The following SMC2 variants were observed in gnomAD, a reference collection of about 807,000 sequenced individuals.
The protein encoded by SMC2 is structural maintenance of chromosomes protein 2.
In SMC2, 41 loss-of-function variants were observed where a neutral mutation model predicts 142.6. That is an observed-to-expected ratio of 0.29 (90% CI 0.22 to 0.37). The LOEUF is 0.37. Ranked by LOEUF, SMC2 falls within the 10% of genes least tolerant of loss-of-function variation. The pLI is 1.00. For synonymous variants in SMC2, 463 were observed against 457.5 expected (o/e 1.01, Z -0.15); for missense variants, 1,265 against 1,373.7 (o/e 0.92, Z 1.25).
At position 104,123,165 on chromosome 9, in the gene SMC2, A is replaced by C. The variant is rs1833913631; in HGVS notation, c.2190A>C (p.Gln730His). ...AAACTGAAGAGGCAGATTTATTACA[A>C]ACCAAGCTCCAGCAAAGCTCATATC... ...EMKTEEADLLQTKLQQSSYHK... is the reference protein window; with the variant it reads ...EMKTEEADLLHTKLQQSSYHK... Residue 730 changes from glutamine to histidine, a missense_variant, in exon 17 of 25, where the codon CAA becomes CAC. Physicochemically the swap from Gln to His is conservative, Grantham distance 24 (BLOSUM62 0). Around this residue, in one of 4 missense-constraint regions of SMC2, gnomAD observed 898 missense variants for 904.2 expected, o/e 0.99. Coordinates refer to ENST00000374793, the MANE Select transcript of SMC2 (RefSeq NM_006444.3). The C allele has an allele frequency of 6.2e-7, 1 of 1,612,148 alleles. No homozygotes were observed. The highest frequency in any genetic ancestry group is 1.1e-5 in the South Asian group (1 of 90,862).
At chr9:104,104,916 T>A (rs1428401632) in intron 9 of SMC2, among the ~76,000 whole-genome samples, 2 of 152,260 alleles carry the variant, frequency 1.3e-5, no homozygotes, top group African/African-American at 4.8e-5. Context: ...GAGCACTGAC[T>A]CAGCCCAGGA....
Position 104,116,209 on chromosome 9 carries a change from A to G in SMC2, c.1681A>G (p.Lys561Glu). 1.4e-5 allele frequency: 22 copies of G among 1,593,520 alleles called. No individual in the cohort carries two copies. Among genetic ancestry groups the G allele is most frequent in the Non-Finnish European group, 1.9e-5 (22 of 1,174,134 alleles). The change falls in exon 14 of 25, where the codon AAA (lysine) becomes GAA (glutamate). Residue 561 changes from lysine to glutamate, a missense_variant. Around this residue, in one of 4 missense-constraint regions of SMC2, gnomAD observed 898 missense variants for 904.2 expected, o/e 0.99. Coordinates refer to ENST00000374793, the MANE Select transcript of SMC2 (RefSeq NM_006444.3). ...NVVVDTEVTG[K>E]KLLERGELKR... ...CAAATGTGTGTTGTAGGTTACTGGT[A>G]AAAAGCTACTAGAAAGGGGGGAACT...
chr9:104,102,618 T>G, intron 9 of SMC2, 45 bp downstream of exon 9: 1 of 1,564,626 alleles, frequency 6.4e-7, no homozygotes, highest in Non-Finnish European at 8.7e-7. Flanking sequence ...TAGACAAGTA[T>G]ATAGTCTCAT....
chr9:104,118,934 C>T (rs1833424246), intron 15 of SMC2, among the ~76,000 whole-genome samples: 1 of 152,098 alleles, frequency 6.6e-6, no homozygotes, highest in South Asian at 2.1e-4. Context: ...ATGAGGTAGG[C>T]ATATTATTAT....
chr9:104,137,994 GCTTTTCTTCTGAC>G lies in SMC2; in HGVS notation c.3270-15_3270-3del. On this transcript the variant is annotated splice_polypyrimidine_tract_variant and intron_variant, in intron 23 of 24. Coordinates refer to ENST00000374793, the MANE Select transcript of SMC2 (RefSeq NM_006444.3). ...TAAGTGATAAAATCAAATTTTTATGGCTTTTCTTCTGACCTTTTCTTAGGTCTTTAGTGGCCTT... is the reference window on the plus strand; with the variant it reads ...TAAGTGATAAAATCAAATTTTTATGGCTTTTCTTAGGTCTTTAGTGGCCTT... 1 of 1,508,308 alleles carries G rather than the reference GCTTTTCTTCTGAC, an allele frequency of 6.6e-7. No homozygotes were observed. Among genetic ancestry groups the G allele is most frequent in the Non-Finnish European group, 8.9e-7 (1 of 1,119,034 alleles). 93.4% of individuals were successfully genotyped at this position (1,508,308 alleles called of 1,614,324 possible).
At chr9:104,091,135 A>G (rs1222987854), upstream of SMC2, among the ~76,000 whole-genome samples, 1 of 152,222 alleles carries the variant, frequency 6.6e-6, no homozygotes, top group Admixed American at 6.5e-5. Context: ...ATGGCGTTAG[A>G]AATAAAATAC....
chr9:104,126,504 T>G, intron 18 of SMC2, 137 bp from the exon 19 acceptor site: 1 of 554,312 alleles, frequency 1.8e-6, no homozygotes, highest in Non-Finnish European at 2.9e-6. Context: ...GCTTAACCTG[T>G]ACTTTCGGTA....
At chr9:104,122,574 A>T (rs1833855175) in intron 16 of SMC2, among the ~76,000 whole-genome samples, 1 of 152,038 alleles carries the variant, frequency 6.6e-6, no homozygotes, top group Non-Finnish European at 1.5e-5. Context: ...AATACCTTTC[A>T]AAAGAAATGA....
At position 104,102,434 on chromosome 9, in the gene SMC2, G is replaced by A. The variant is rs1290950637; in HGVS notation, c.881G>A (p.Gly294Asp). 2 of 1,606,146 alleles carry A rather than the reference G, an allele frequency of 1.2e-6. No individual in the cohort carries two copies. Among genetic ancestry groups the A allele is most frequent in the East Asian group, 2.2e-5 (1 of 44,748 alleles). ...TGCATTTTGTTATAGGAAACTGGAGGTATACTTCGATCTTTAGAAGATGCT... is the reference window on the plus strand; with the variant it reads ...TGCATTTTGTTATAGGAAACTGGAGATATACTTCGATCTTTAGAAGATGCT... ...LEKRKDKETG[G>D]ILRSLEDALA... The change falls in exon 9 of 25, where the codon GGT becomes GAT. Residue 294 changes from glycine (G) to aspartate (D), a missense_variant. This residue lies in a region of SMC2 where 898 missense variants were observed against 904.2 expected (regional missense o/e 0.99). Transcript: ENST00000374793.
At chr9:104,098,844 A>G (rs889612882) in intron 4 of SMC2, among the ~76,000 whole-genome samples, 4 of 151,744 alleles carry the variant, frequency 2.6e-5, no homozygotes, top group Admixed American at 6.6e-5. Flanking sequence ...CTGTAAAAAA[A>G]AAAAAGCCAT....
At position 104,118,057 on chromosome 9, in the gene SMC2, G is replaced by C. The variant is rs555796357; in HGVS notation, c.1792-114G>C. 1.6e-4 allele frequency: 115 copies of C among 730,746 alleles called. No homozygotes were observed. The African/African-American group carries it at 1.9e-3, about 12-fold the overall frequency. 45.3% of individuals were successfully genotyped at this position (730,746 alleles called of 1,614,324 possible). ...TAGAAAATTCAGAAAGAGTTTTAATGCTAGGTAAGTATTATTTAAGTTTCT... is the reference window on the plus strand; with the variant it reads ...TAGAAAATTCAGAAAGAGTTTTAATCCTAGGTAAGTATTATTTAAGTTTCT... On this transcript the variant is annotated intron_variant, in intron 14 of 24. Transcript: ENST00000374793.
chr9:104,119,030 C>T (rs1833436493), intron 15 of SMC2, among the ~76,000 whole-genome samples: 1 of 152,078 alleles, frequency 6.6e-6, no homozygotes, highest in Non-Finnish European at 1.5e-5. Context: ...ATCTGAATCC[C>T]AGCAGTCTGA....
At chr9:104,138,810 G>A (rs1008064071) in intron 24 of SMC2, among the ~76,000 whole-genome samples, 9 of 152,076 alleles carry the variant, frequency 5.9e-5, no homozygotes, top group South Asian at 2.1e-4. Flanking sequence ...GTGTGCTATA[G>A]GAACTTGAAA....
In SMC2 at chr9:104,098,599, C is replaced by T. The variant is rs115415227; in HGVS notation, c.441+31C>T. Reference sequence around the variant, plus strand: ...TCGTTTGAGGTCTTTATATCACTTTCGTAATAGTTTCGACATTTTTTACTT... The same window carrying T: ...TCGTTTGAGGTCTTTATATCACTTTTGTAATAGTTTCGACATTTTTTACTT... On this transcript the variant is annotated intron_variant, in intron 4 of 24. Coordinates refer to ENST00000374793, the MANE Select transcript of SMC2 (RefSeq NM_006444.3). 1,012 of 1,563,178 alleles carry T rather than the reference C, an allele frequency of 6.5e-4. 4 individuals carry two copies. In the African/African-American group the frequency reaches 0.013, roughly 20 times the overall value.
intron 1 of SMC2, 126 bp from the exon 2 acceptor site, chr9:104,095,198 C>T (rs1830318241): frequency 1.8e-6 from 1 of 541,498 alleles, no homozygotes; most frequent in Non-Finnish European, 3.3e-6. Context: ...GTCTTTACAT[C>T]AGACAAGATA....
chr9:104,094,715 A>C (rs957274962), intron 1 of SMC2: 3 of 331,086 alleles, frequency 9.1e-6, no homozygotes, highest in African/African-American at 6.4e-5. Context: ...AAGAAGTTGG[A>C]GAATATGAGA....
At chr9:104,095,190 C>G in intron 1 of SMC2, 134 bp from the exon 2 acceptor site, 1 of 531,682 alleles carries the variant, frequency 1.9e-6, no homozygotes, top group Non-Finnish European at 3.3e-6. Flanking sequence ...TGAACGATGT[C>G]TTTACATCAG....
intron 2 of SMC2, 58 bp from the exon 3 acceptor site, chr9:104,096,090 T>G (rs920905801): frequency 3.9e-6 from 6 of 1,526,234 alleles, no homozygotes; most frequent in Admixed American, 3.6e-5. Flanking sequence ...CCATTTTTAG[T>G]GCTGCTTTGT....
rs748227633 is a variant in SMC2, at chr9:104,120,194, G to C, written c.2132+32G>C. 3 of 1,529,152 alleles carry C rather than the reference G, an allele frequency of 2.0e-6. No homozygotes were observed. The South Asian group carries it at 3.7e-5, about 19-fold the overall frequency. The allele number at this position is 1,529,152 out of a possible 1,614,324, so 94.7% of individuals were successfully genotyped here. A position where few individuals can be genotyped will look rare whatever the true frequency, so the allele number is the denominator to read the frequency against. ...ACTGCATATACTTTTTTTAATTAAA[G>C]ATTTGCATAGTAGAAAATGATAGAA... On this transcript the variant is annotated intron_variant, in intron 16 of 24. Coordinates refer to ENST00000374793, the MANE Select transcript of SMC2 (RefSeq NM_006444.3).
Sources: allele counts gnomAD v4.1 joint callset (sites outside exome capture counted in the v4.1 genomes callset), GRCh38; gene constraint gnomAD v4.1.1; regional missense constraint gnomAD v4.1.1; transcripts MANE v1.5; gene names NCBI Gene and HGNC (gene_info 2026-07-23, HGNC 2026-07-21).